Variants in C11orf65 observed in about 807,000 individuals in gnomAD.
The protein encoded by C11orf65 is chromosome 11 open reading frame 65, also known as protein MFI.
In C11orf65, 38 loss-of-function variants were observed where a neutral mutation model predicts 35.3. The observed-to-expected ratio is 1.08, with a 90% CI of 0.83 to 1.41. The LOEUF (loss-of-function observed/expected upper bound fraction) is 1.41. C11orf65 is among the 40% of genes most tolerant of loss of function. The pLI, the probability that C11orf65 is intolerant of heterozygous loss-of-function variation, is 0.00. For synonymous variants in C11orf65, 105 were observed against 114.4 expected (o/e 0.92, Z 0.53); for missense variants, 370 against 367.1 (o/e 1.01, Z -0.06).
intron 2 of C11orf65, among the ~76,000 whole-genome samples, chr11:108,457,533 A>G (rs974950324): frequency 6.6e-6 from 1 of 151,974 alleles, no homozygotes; most frequent in Non-Finnish European, 1.5e-5. Context: ...AATCCCAGGT[A>G]CTCGGGAGGC....
intron 5 of C11orf65, 125 bp downstream of exon 5, chr11:108,406,638 G>A: frequency 1.5e-6 from 1 of 653,294 alleles, no homozygotes; most frequent in African/African-American, 1.8e-5. Flanking sequence ...GCTAACTTAA[G>A]CAAAATTTAT....
At chr11:108,382,676 A>G (rs1162783413), downstream of C11orf65, 2 of 629,572 alleles carry the variant, frequency 3.2e-6, no homozygotes, top group African/African-American at 4.0e-5. Context: ...GATATGGGAT[A>G]AAGGGACCGA....
intron 2 of C11orf65, chr11:108,365,397 GGAA>G: frequency 6.2e-7 from 1 of 1,614,202 alleles, no homozygotes; most frequent in South Asian, 1.1e-5. Context: ...TGAAAGGAGT[GGAA>G]GAAGGCACTG....
intron 2 of C11orf65, among the ~76,000 whole-genome samples, chr11:108,459,316 G>C (rs936184523): frequency 2.6e-5 from 4 of 151,944 alleles, no homozygotes; most frequent in African/African-American, 4.8e-5. Context: ...GTATGTATCT[G>C]TCTACAAGCA....
At chr11:108,442,951 C>A (rs907460226) in intron 2 of C11orf65, among the ~76,000 whole-genome samples, 1 of 152,126 alleles carries the variant, frequency 6.6e-6, no homozygotes, top group African/African-American at 2.4e-5. Flanking sequence ...ATGACAGGAT[C>A]AAATTCACAT....
chr11:108,440,706 TC>T (rs945489655), intron 2 of C11orf65, among the ~76,000 whole-genome samples: 1 of 152,132 alleles, frequency 6.6e-6, no homozygotes, highest in East Asian at 1.9e-4. Flanking sequence ...AATGAACATT[TC>T]AGGACACAGA....
chr11:108,343,071 G>T, intron 2 of C11orf65: 1 of 969,316 alleles, frequency 1.0e-6, no homozygotes, highest in Non-Finnish European at 1.6e-6. Flanking sequence ...TTTCCGATTG[G>T]TTTCCTCCAA....
chr11:108,393,530 C>A, intron 6 of C11orf65, 152 bp from the exon 7 acceptor site: 1 of 697,876 alleles, frequency 1.4e-6, no homozygotes, highest in Non-Finnish European at 2.3e-6. Context: ...GCATCTAAAC[C>A]AAGATCTATG....
chr11:108,441,343 C>A (rs2093150648), intron 2 of C11orf65, among the ~76,000 whole-genome samples: 1 of 152,226 alleles, frequency 6.6e-6, no homozygotes, highest in Non-Finnish European at 1.5e-5. Context: ...TGGGTGGAGC[C>A]CACCAACAGT....
chr11:108,353,915 T>C, intron 2 of C11orf65: 1 of 1,574,736 alleles, frequency 6.4e-7, no homozygotes, highest in South Asian at 1.1e-5. Flanking sequence ...GAAATAATTT[T>C]TGATGTCAAA....
rs374803227 is a variant in C11orf65, at chr11:108,385,500, G to A, written c.787+420C>T. 1.3e-5 allele frequency among the ~76,000 whole-genome samples: 2 copies of A among 152,124 alleles called. 1 individual carries two copies. Among genetic ancestry groups the A allele is most frequent in the South Asian group, 4.1e-4 (2 of 4,830 alleles). On this transcript the variant is annotated intron_variant, in intron 8 of 8. Coordinates refer to ENST00000393084, the MANE Select transcript of C11orf65 (RefSeq NM_152587.5). ...GATCAAGACCATCCCGGCTAACACA[G>A]TGAAACCCTGTCTCTACTAAAAATA...
intron 6 of C11orf65, among the ~76,000 whole-genome samples, chr11:108,404,883 G>C (rs1210937993): frequency 2.6e-5 from 4 of 152,162 alleles, no homozygotes; most frequent in Non-Finnish European, 4.4e-5. Context: ...AGGCTGCTGG[G>C]AAAAATATTA....
At chr11:108,449,514 T>C (rs1246621049) in intron 2 of C11orf65, among the ~76,000 whole-genome samples, 1 of 151,926 alleles carries the variant, frequency 6.6e-6, no homozygotes, top group East Asian at 1.9e-4. Flanking sequence ...TTGACAAACC[T>C]GAGAAAAACA....
intron 6 of C11orf65, among the ~76,000 whole-genome samples, chr11:108,402,895 TTCTG>T (rs1429236964): frequency 1.3e-4 from 20 of 152,360 alleles, no homozygotes; most frequent in Non-Finnish European, 2.4e-4. Flanking sequence ...GTCCATGTCA[TTCTG>T]TCTATCAGTA....
In C11orf65 at chr11:108,315,738, T is replaced by C. The variant is rs1187051933; in HGVS notation, c.641-6667A>G. Reference sequence around the variant, plus strand: ...AACATTTAGAGTTGGGAGTTACATATTGGTAATGATACAATTTAAAATTTG... The same window carrying C: ...AACATTTAGAGTTGGGAGTTACATACTGGTAATGATACAATTTAAAATTTG... On this transcript the variant is annotated intron_variant, in intron 6 of 6. Coordinates refer to the C11orf65 transcript ENST00000525729. The C allele has an allele frequency of 1.1e-5, 10 of 937,978 alleles. No homozygotes were observed. In the East Asian group the frequency reaches 1.8e-4, roughly 17 times the overall value. 58.1% of individuals were successfully genotyped at this position (937,978 alleles called of 1,614,324 possible).
chr11:108,331,369 A>AT, downstream of C11orf65: 1 of 1,547,536 alleles, frequency 6.5e-7, no homozygotes, highest in Non-Finnish European at 8.7e-7. Flanking sequence ...CTGTCTTAAA[A>AT]TAACTTACTT....
chr11:108,381,451 T>C (rs2091863345), downstream of C11orf65, among the ~76,000 whole-genome samples: 1 of 152,188 alleles, frequency 6.6e-6, no homozygotes, highest in African/African-American at 2.4e-5. Context: ...ATATCTGGTT[T>C]CTCTGTCCAC....
At chr11:108,326,426 C>G (rs2085692099), downstream of C11orf65, among the ~76,000 whole-genome samples, 1 of 152,134 alleles carries the variant, frequency 6.6e-6, no homozygotes, top group Non-Finnish European at 1.5e-5. Flanking sequence ...TTCTATCAGT[C>G]CATCATGTGG....
Position 108,365,456 on chromosome 11 carries a change from T to C in C11orf65, c.226+27752A>G, listed in dbSNP as rs369870357. 9.3e-6 allele frequency: 15 copies of C among 1,614,060 alleles called. No individual in the cohort carries two copies. The highest frequency in any genetic ancestry group is 2.7e-5 in the African/African-American group (2 of 74,918). ...GTGAATTTGCTCATACAGCAGGCCA[T>C]AGACCCCAAAAATCTCAGCCGACTT... is the stretch of plus-strand genomic sequence containing the variant. On this transcript the variant is annotated intron_variant, in intron 2 of 3. Transcript: ENST00000524755.
Sources: gnomAD v4.1 joint callset for allele counts (sites outside exome capture counted in the v4.1 genomes callset) on GRCh38, gnomAD v4.1.1 for gene constraint, MANE v1.5 for transcripts, NCBI Gene and HGNC (gene_info 2026-07-23, HGNC 2026-07-21) for gene names.